The following LRRC72 variants were observed in gnomAD, a reference collection of about 807,000 sequenced individuals.
The protein encoded by LRRC72 is leucine rich repeat containing 72.
In LRRC72, 41 loss-of-function variants were observed where a neutral mutation model predicts 35.8. The observed-to-expected ratio is 1.15, with a 90% CI of 0.89 to 1.49. The LOEUF (loss-of-function observed/expected upper bound fraction) is 1.49. Ranked by LOEUF, LRRC72 falls within the 40% of genes most tolerant of loss-of-function variation. The pLI is 0.00. For synonymous variants in LRRC72, 118 were observed against 119.2 expected, an observed-to-expected ratio of 0.99 and a Z score of 0.07; for missense variants, 389 against 330.7, an observed-to-expected ratio of 1.18 and a Z score of -1.37.
chr7:16,553,301 T>C (rs1219950157), intron 3 of LRRC72, among the ~76,000 whole-genome samples: 1 of 152,180 alleles, frequency 6.6e-6, no homozygotes, highest in African/African-American at 2.4e-5. Flanking sequence ...TGCCAATCTT[T>C]GGTTTGGGAG....
intron 2 of LRRC72, among the ~76,000 whole-genome samples, chr7:16,535,647 C>A (rs965832310): frequency 6.6e-6 from 1 of 152,106 alleles, no homozygotes; most frequent in African/African-American, 2.4e-5. Flanking sequence ...CAAGAACTGG[C>A]AGATACCCTC....
At chr7:16,552,808 G>A (rs1443214427) in intron 3 of LRRC72, among the ~76,000 whole-genome samples, 1 of 152,116 alleles carries the variant, frequency 6.6e-6, no homozygotes, top group African/African-American at 2.4e-5. Context: ...AGAATGAGCT[G>A]CGCTGGACAG....
Position 16,567,554 on chromosome 7 carries a change from A to T in LRRC72, c.670+11A>T, listed in dbSNP as rs1375822553. 1 of 1,216,140 alleles carries T rather than the reference A, an allele frequency of 8.2e-7. No homozygotes were observed. Among genetic ancestry groups the T allele is most frequent in the Non-Finnish European group, 1.1e-6 (1 of 924,430 alleles). 75.3% of individuals were successfully genotyped at this position (1,216,140 alleles called of 1,614,324 possible). On this transcript the variant is annotated intron_variant, in intron 7 of 8. Transcript: ENST00000401542. Reference sequence around the variant, plus strand: ...AGAGAGTACCTTCAGGTATTTCGTAAAAAAAAAAAAAAAAACAAATTTAAT... The same window carrying T: ...AGAGAGTACCTTCAGGTATTTCGTATAAAAAAAAAAAAAAACAAATTTAAT...
intron 3 of LRRC72, among the ~76,000 whole-genome samples, chr7:16,538,355 A>T (rs919083240): frequency 6.6e-6 from 1 of 152,154 alleles, no homozygotes; most frequent in African/African-American, 2.4e-5. Flanking sequence ...CAGATGTTCA[A>T]AGTTGATCCT....
rs1783113955 is a variant in LRRC72, at chr7:16,580,023, T to C, written c.671-51T>C. 21 of 389,098 alleles carry C rather than the reference T, an allele frequency of 5.4e-5. 1 individual carries two copies. Among genetic ancestry groups the C allele is most frequent in the South Asian group, 4.5e-4 (20 of 44,076 alleles). 24.1% of individuals were successfully genotyped at this position (389,098 alleles called of 1,614,324 possible). A position where few individuals can be genotyped will look rare whatever the true frequency, so the allele number is the denominator to read the frequency against. The stretch of plus-strand genomic sequence containing the variant: ...ATAGCATTGTTCCACTGTTTTTAAA[T>C]GCTGGATAAATATTTTAAAATACTA... On this transcript the variant is annotated intron_variant, in intron 7 of 8. Coordinates refer to ENST00000401542, the MANE Select transcript of LRRC72 (RefSeq NM_001195280.2).
rs1302073673 is a variant in LRRC72, at chr7:16,566,359, T to C, written c.474T>C (p.Tyr158=). 1.9e-6 allele frequency: 3 copies of C among 1,547,698 alleles called. No homozygotes were observed. Among genetic ancestry groups the C allele is most frequent in the Non-Finnish European group, 1.7e-6 (2 of 1,145,934 alleles). Residue 158 remains tyrosine, a synonymous_variant, in exon 6 of 9, where the codon TAT becomes TAC. Coordinates refer to ENST00000401542, the MANE Select transcript of LRRC72 (RefSeq NM_001195280.2). The part of the protein sequence containing the change: ...PLCQYNLYRL[Y]IIYHLPGVEL... ...GCCAATATAACCTGTATCGTTTATA[T>C]ATCATCTACCACCTTCCAGGAGTGG...
intron 7 of LRRC72, among the ~76,000 whole-genome samples, chr7:16,576,056 T>C (rs1222617392): frequency 6.6e-6 from 1 of 152,222 alleles, no homozygotes; most frequent in Non-Finnish European, 1.5e-5. Flanking sequence ...TTGAAACTTT[T>C]TCTTCTTAAT....
intron 3 of LRRC72, among the ~76,000 whole-genome samples, chr7:16,540,752 C>G (rs1383700079): frequency 6.6e-6 from 1 of 152,164 alleles, no homozygotes; most frequent in African/African-American, 2.4e-5. Flanking sequence ...CTCTTTCATG[C>G]TCTTTCTCAC....
chr7:16,579,786 T>C (rs1010822715), intron 7 of LRRC72, among the ~76,000 whole-genome samples: 4 of 152,168 alleles, frequency 2.6e-5, no homozygotes, highest in African/African-American at 4.8e-5. Flanking sequence ...TGGATTCCAT[T>C]GGTACATTAT....
chr7:16,559,008 T>A lies in LRRC72; in HGVS notation c.427+9T>A. 5 of 1,491,606 alleles carry A rather than the reference T, an allele frequency of 3.4e-6. No homozygotes were observed. Among genetic ancestry groups the A allele is most frequent in the Non-Finnish European group, 4.5e-6 (5 of 1,103,444 alleles). 92.4% of individuals were successfully genotyped at this position (1,491,606 alleles called of 1,614,324 possible). A position where few individuals can be genotyped will look rare whatever the true frequency, so the allele number is the denominator to read the frequency against. ...AAATCTGAAGATCCTAAGTAACAAT[T>A]TGCAATTTTATATGGCCATAAGTTA... On this transcript the variant is annotated intron_variant, in intron 5 of 8. Transcript: ENST00000401542.
chr7:16,552,468 C>A (rs1049249314), intron 3 of LRRC72, among the ~76,000 whole-genome samples: 3 of 152,100 alleles, frequency 2.0e-5, no homozygotes, highest in Admixed American at 2.0e-4. Context: ...GAGGAGAAAA[C>A]GGAATGCTGA....
chr7:16,574,731 G>C, intron 7 of LRRC72, among the ~76,000 whole-genome samples: 1 of 151,978 alleles, frequency 6.6e-6, no homozygotes, highest in Non-Finnish European at 1.5e-5. Context: ...AAACCATCAT[G>C]GCACATGTGT....
At chr7:16,532,849 T>A (rs73076790) in intron 2 of LRRC72, 84,918 of 445,218 alleles carry the variant, frequency 0.19, 8,201 homozygotes, top group Middle Eastern at 0.21. Flanking sequence ...ACTATTAGGA[T>A]TGTCAGATTT....
At chr7:16,545,179 A>C (rs991559143) in intron 3 of LRRC72, among the ~76,000 whole-genome samples, 5 of 152,208 alleles carry the variant, frequency 3.3e-5, no homozygotes, top group African/African-American at 1.2e-4. Flanking sequence ...AGGTAAAATA[A>C]AATAAAAATA....
At chr7:16,549,442 A>T (rs1782509763) in intron 3 of LRRC72, among the ~76,000 whole-genome samples, 1 of 152,212 alleles carries the variant, frequency 6.6e-6, no homozygotes, top group South Asian at 2.1e-4. Flanking sequence ...CTTTCCACAA[A>T]CACTGTTTGT....
At chr7:16,560,381 G>A (rs1171573566) in intron 5 of LRRC72, among the ~76,000 whole-genome samples, 1 of 152,130 alleles carries the variant, frequency 6.6e-6, no homozygotes, top group Admixed American at 6.6e-5. Context: ...TGATTCATTT[G>A]TTATAGTTAG....
chr7:16,567,050 C>T (rs1583650459), intron 6 of LRRC72, among the ~76,000 whole-genome samples: 1 of 152,078 alleles, frequency 6.6e-6, no homozygotes, highest in South Asian at 2.1e-4. Flanking sequence ...CTATAGGATA[C>T]ATCGGAAACT....
rs116695907 is a variant in LRRC72 at position 16,571,576 on chromosome 7, C to T, written c.670+4033C>T. On this transcript the variant is annotated intron_variant, in intron 7 of 8. Coordinates refer to ENST00000401542, the MANE Select transcript of LRRC72 (RefSeq NM_001195280.2). ...AAGCAGAATGGGGTGTCGCCTCACC[C>T]GGGAAGTGCAAAGGGTTGGAGAACT... Among the ~76,000 whole-genome samples the T allele has an allele frequency of 5.4e-3, 819 of 152,288 alleles. 8 individuals are homozygous for T. The highest frequency in any genetic ancestry group is 0.019 in the African/African-American group (786 of 41,552).
intron 7 of LRRC72, among the ~76,000 whole-genome samples, chr7:16,571,533 C>G (rs940041101): frequency 1.2e-4 from 18 of 152,170 alleles, no homozygotes; most frequent in Non-Finnish European, 2.1e-4. Context: ...ATGGGTGCAG[C>G]CCACGGAGGG....
Sources: gnomAD v4.1 joint callset for allele counts (sites outside exome capture counted in the v4.1 genomes callset) on GRCh38, gnomAD v4.1.1 for gene constraint, MANE v1.5 for transcripts, NCBI Gene and HGNC (gene_info 2026-07-23, HGNC 2026-07-21) for gene names.